The following AFF3 variants were observed in gnomAD, a reference collection of about 807,000 sequenced individuals.
AFF3 encodes the protein AF4/FMR2 family member 3.
AFF3 carries 32 observed loss-of-function variants against 129.7 expected under a neutral mutation model. The observed-to-expected ratio is 0.25, with a 90% CI of 0.19 to 0.33. AFF3 has a LOEUF of 0.33. Ranked by LOEUF, AFF3 falls within the 10% of genes least tolerant of loss-of-function variation. The probability of loss-of-function intolerance (pLI) is 1.00; values close to 1 mark genes in which losing one functional copy is unlikely to be tolerated. For missense variants in AFF3, 1,373 were observed against 1,592.0 expected, an observed-to-expected ratio of 0.86 and a Z score of 2.34; for synonymous variants, 644 against 635.4, an observed-to-expected ratio of 1.01 and a Z score of -0.20.
rs753061374 is a variant in AFF3, at chr2:99,593,607, T to C, written c.2054A>G (p.Gln685Arg). The change falls in exon 15 of 25, where the codon CAG (glutamine) becomes CGG (arginine). Residue 685 changes from glutamine (Q) to arginine (R), a missense_variant. By Grantham distance (43) the Gln-to-Arg change is conservative. This residue lies in a region of AFF3 where 466 missense variants were observed against 505.0 expected (regional missense o/e 0.92). Coordinates refer to ENST00000672756, the MANE Select transcript of AFF3 (RefSeq NM_001386135.1). Reference sequence around the variant, plus strand: ...TGCTTTGGACAGAGGGTACTCCTCCTGCTCGGACTCCAGGTCGGAGTCCGA... The same window carrying C: ...TGCTTTGGACAGAGGGTACTCCTCCCGCTCGGACTCCAGGTCGGAGTCCGA... ...SSSDSDLESE[Q>R]EEYPLSKAQT... The C allele has an allele frequency of 9.3e-6, 15 of 1,611,878 alleles. No individual in the cohort carries two copies. In the East Asian group the frequency reaches 3.3e-4, roughly 36 times the overall value.
At chr2:99,688,484 G>A (rs1172273683) in intron 11 of AFF3, among the ~76,000 whole-genome samples, 1 of 152,180 alleles carries the variant, frequency 6.6e-6, no homozygotes, top group East Asian at 1.9e-4. Flanking sequence ...ACTACTGGGG[G>A]CATTCAATTG....
chr2:99,569,459 T>G (rs1676281700), intron 18 of AFF3, among the ~76,000 whole-genome samples: 1 of 152,192 alleles, frequency 6.6e-6, no homozygotes, highest in Non-Finnish European at 1.5e-5. Flanking sequence ...TACATTCCAG[T>G]TGTAATGAAG....
At chr2:99,852,303 A>T (rs1292226314) in intron 7 of AFF3, among the ~76,000 whole-genome samples, 3 of 152,046 alleles carry the variant, frequency 2.0e-5, no homozygotes, top group Non-Finnish European at 4.4e-5. Context: ...AAGAGAAAAA[A>T]ACCTCCCGAG....
chr2:99,880,905 A>C (rs1160700439), intron 7 of AFF3, among the ~76,000 whole-genome samples: 1 of 152,192 alleles, frequency 6.6e-6, no homozygotes, highest in Non-Finnish European at 1.5e-5. Context: ...AATTAGGAAA[A>C]TTCCCCTTCT....
intron 4 of AFF3, among the ~76,000 whole-genome samples, chr2:100,016,266 G>T (rs1444621586): frequency 6.6e-6 from 1 of 151,136 alleles, no homozygotes; most frequent in African/African-American, 2.4e-5. Flanking sequence ...TAGTGGTGGC[G>T]GTGGCAGTGG....
At chr2:99,703,103 G>C (rs1339658130) in intron 11 of AFF3, among the ~76,000 whole-genome samples, 1 of 152,164 alleles carries the variant, frequency 6.6e-6, no homozygotes, top group African/African-American at 2.4e-5. Context: ...CATTCTGCAG[G>C]TGAGAAGTCC....
rs527349375 is a variant in AFF3, at chr2:100,111,993, T to TA, written c.-144-6411dup. Among the ~76,000 whole-genome samples, 57 of 152,352 alleles carry TA rather than the reference T, an allele frequency of 3.7e-4. No individual in the cohort carries two copies. In the South Asian group the frequency reaches 0.01, roughly 27 times the overall value. ...CTCTAGCTGGAACAACATTCTTCCTTATATTTATGGATCCCAAATTGATTT... is the reference window on the plus strand; with the variant it reads ...CTCTAGCTGGAACAACATTCTTCCTTAATATTTATGGATCCCAAATTGATTT... On this transcript the variant is annotated intron_variant, in intron 2 of 24. Transcript: ENST00000672756.
At chr2:99,585,768 G>T (rs866554798) in intron 16 of AFF3, among the ~76,000 whole-genome samples, 1 of 151,316 alleles carries the variant, frequency 6.6e-6, no homozygotes, top group Non-Finnish European at 1.5e-5. Context: ...CCTCTCTGTC[G>T]CCCAGGCTGG....
chr2:99,715,550 G>T (rs567214666), intron 11 of AFF3, among the ~76,000 whole-genome samples: 55 of 152,120 alleles, frequency 3.6e-4, no homozygotes, highest in African/African-American at 1.3e-3. Context: ...GCTTATAATA[G>T]TTTCCAAGTC....
Position 99,587,181 on chromosome 2 carries a change from G to C in AFF3, c.2564C>G (p.Ala855Gly), listed in dbSNP as rs1306134742. 1 of 1,614,136 alleles carries C rather than the reference G, an allele frequency of 6.2e-7. No homozygotes were observed. Among genetic ancestry groups the C allele is most frequent in the Admixed American group, 1.7e-5 (1 of 60,010 alleles). Residue 855 changes from alanine to glycine, a missense_variant, in exon 16 of 25, where the codon GCA becomes GGA. This residue lies in a region of AFF3 where 466 missense variants were observed against 505.0 expected (regional missense o/e 0.92). Coordinates refer to ENST00000672756, the MANE Select transcript of AFF3 (RefSeq NM_001386135.1). ...LATSTSNTLS[A>G]NHCNMNINSV... ...GTTGATGTTCATGTTGCAGTGGTTT[G>C]CAGACAAAGTATTACTGGTGGAGGT... is the stretch of plus-strand genomic sequence containing the variant.
chr2:99,778,883 TGTGTGTGTGTGCGC>T (rs1476974936), intron 8 of AFF3, among the ~76,000 whole-genome samples: 1 of 44,016 alleles, frequency 2.3e-5, no homozygotes, highest in Non-Finnish European at 4.9e-5. Flanking sequence ...TGTGTGTGTG[TGTGTGTGTGTGCGC>T]GTGTGTGTGT....
chr2:99,828,853 C>A (rs781315526), intron 8 of AFF3, among the ~76,000 whole-genome samples: 3 of 152,190 alleles, frequency 2.0e-5, no homozygotes, highest in Non-Finnish European at 2.9e-5. Flanking sequence ...ACACATCACA[C>A]ACGTACACAC....
At chr2:100,030,015 T>C (rs146614009) in intron 4 of AFF3, among the ~76,000 whole-genome samples, 1,982 of 151,966 alleles carry the variant, frequency 0.013, 52 homozygotes, top group African/African-American at 0.045. Context: ...TGCAGTGAGC[T>C]GAGATCATGC....
At chr2:99,693,474 A>T (rs1675879645) in intron 11 of AFF3, among the ~76,000 whole-genome samples, 1 of 151,998 alleles carries the variant, frequency 6.6e-6, no homozygotes, top group African/African-American at 2.4e-5. Flanking sequence ...GAAATTTTAA[A>T]TTTTTTTCTA....
At chr2:99,777,962 A>AC (rs1684062573) in intron 8 of AFF3, among the ~76,000 whole-genome samples, 1 of 151,740 alleles carries the variant, frequency 6.6e-6, no homozygotes, top group African/African-American at 2.4e-5. Context: ...AAAAAAAAAA[A>AC]AAAAAAAAAC....
chr2:99,877,418 T>C (rs758278445), intron 7 of AFF3, among the ~76,000 whole-genome samples: 1 of 152,050 alleles, frequency 6.6e-6, no homozygotes, highest in Non-Finnish European at 1.5e-5. Flanking sequence ...TGCTAACAAT[T>C]GGAATCACCA....
At chr2:99,894,157 T>C (rs1190305868) in intron 7 of AFF3, among the ~76,000 whole-genome samples, 2 of 151,946 alleles carry the variant, frequency 1.3e-5, no homozygotes, top group African/African-American at 4.8e-5. Flanking sequence ...AAACAGGATG[T>C]TCCTCACAAA....
chr2:99,971,884 A>G (rs1678419889), intron 7 of AFF3, among the ~76,000 whole-genome samples: 1 of 152,204 alleles, frequency 6.6e-6, no homozygotes, highest in South Asian at 2.1e-4. Flanking sequence ...GGCAGAAAAA[A>G]AAGAAAAATT....
At position 99,922,229 on chromosome 2, in the gene AFF3, T is replaced by C. The variant is rs562497405; in HGVS notation, c.873+84403A>G. 4.6e-5 allele frequency among the ~76,000 whole-genome samples: 7 copies of C among 152,314 alleles called. No homozygotes were observed. In the East Asian group the frequency reaches 1.4e-3, roughly 29 times the overall value. ...CAGCACTTTCACTCCTAGGGGTTTA[T>C]ACAAAAGAAATCAAACCATGTATCT... is the stretch of plus-strand genomic sequence containing the variant. On this transcript the variant is annotated intron_variant, in intron 7 of 24. Transcript: ENST00000672756.
Sources: allele counts gnomAD v4.1 joint callset (sites outside exome capture counted in the v4.1 genomes callset), GRCh38; gene constraint gnomAD v4.1.1; regional missense constraint gnomAD v4.1.1; transcripts MANE v1.5; gene names NCBI Gene and HGNC (gene_info 2026-07-23, HGNC 2026-07-21).